The following CGNL1 variants were observed in gnomAD, a reference collection of about 807,000 sequenced individuals.
CGNL1 encodes the protein cingulin-like protein 1.
Under a neutral mutation model 141.2 loss-of-function variants are expected in CGNL1, and 132 were observed. The observed-to-expected ratio is 0.93, with a 90% CI of 0.81 to 1.08. CGNL1 has a LOEUF of 1.08. CGNL1 is among the 50% of genes least tolerant of loss of function. The pLI, the probability that CGNL1 is intolerant of heterozygous loss-of-function variation, is 0.00. For missense variants in CGNL1, 1,870 were observed against 1,588.6 expected (o/e 1.18, Z -3.01); for synonymous variants, 690 against 622.1 (o/e 1.11, Z -1.63).
intron 8 of CGNL1, among the ~76,000 whole-genome samples, chr15:57,473,896 CTTCT>C (rs751392190): frequency 2.0e-4 from 22 of 110,116 alleles, no homozygotes; most frequent in East Asian, 1.4e-3. Flanking sequence ...TCTTCTTCTT[CTTCT>C]TTTTTTTTTT....
intron 5 of CGNL1, 75 bp from the exon 6 acceptor site, chr15:57,452,066 G>T: frequency 3.7e-6 from 5 of 1,334,022 alleles, no homozygotes; most frequent in East Asian, 2.4e-5. Flanking sequence ...GAGTCTGCTT[G>T]TTGAGAAGTA....
intron 14 of CGNL1, among the ~76,000 whole-genome samples, chr15:57,535,898 ATTCT>A (rs1218400146): frequency 3.3e-5 from 5 of 152,318 alleles, no homozygotes; most frequent in Admixed American, 6.5e-5. Flanking sequence ...CCATGCCTCC[ATTCT>A]TTCTTTCTCT....
chr15:57,453,314 C>T (rs1321352475), intron 6 of CGNL1, among the ~76,000 whole-genome samples: 1 of 152,166 alleles, frequency 6.6e-6, no homozygotes, highest in African/African-American at 2.4e-5. Context: ...GTCTAGAACA[C>T]TGGGATAGTA....
At chr15:57,388,899 GGAA>G (rs1479966209) in intron 1 of CGNL1, among the ~76,000 whole-genome samples, 2 of 152,190 alleles carry the variant, frequency 1.3e-5, no homozygotes, top group Non-Finnish European at 2.9e-5. Flanking sequence ...GGAGGTGAAT[GGAA>G]GAAGGAGTCT....
In CGNL1 at chr15:57,528,797, G is replaced by T. The variant is rs200233106; in HGVS notation, c.3183G>T (p.Arg1061Ser). Residue 1061 changes from arginine to serine, a missense_variant, in exon 13 of 19, where the codon AGG becomes AGT. By Grantham distance (110) the Arg-to-Ser change is moderately radical (BLOSUM62 -1). Coordinates refer to ENST00000281282, the MANE Select transcript of CGNL1 (RefSeq NM_032866.5). ...AKSHLKDDRSRLVKQMEDKVS... is the reference protein window; with the variant it reads ...AKSHLKDDRSSLVKQMEDKVS... ...GTCACCTCAAAGATGACCGCAGCAG[G>T]CTGGTCAAGCAGATGGAGGTCTGTG... 1.2e-6 allele frequency: 2 copies of T among 1,613,912 alleles called. No individual in the cohort carries two copies. Among genetic ancestry groups the T allele is most frequent in the Non-Finnish European group, 1.7e-6 (2 of 1,179,964 alleles).
chr15:57,493,737 T>C (rs540032091), intron 8 of CGNL1, among the ~76,000 whole-genome samples: 1 of 152,352 alleles, frequency 6.6e-6, no homozygotes, highest in South Asian at 2.1e-4. Context: ...ACCTTTGAAG[T>C]ACCATTTAGT....
chr15:57,411,140 G>C (rs1328714110), intron 1 of CGNL1, among the ~76,000 whole-genome samples: 1 of 152,064 alleles, frequency 6.6e-6, no homozygotes, highest in East Asian at 1.9e-4. Flanking sequence ...TCATATGTTG[G>C]ACTCCATCCA....
At chr15:57,547,314 C>A in intron 18 of CGNL1, 41 bp from the exon 19 acceptor site, 2 of 1,606,624 alleles carry the variant, frequency 1.2e-6, no homozygotes, top group Non-Finnish European at 1.7e-6. Flanking sequence ...CTATGGGCCC[C>A]GGCCCAGGGC....
intron 14 of CGNL1, among the ~76,000 whole-genome samples, chr15:57,542,952 T>C (rs2032644992): frequency 1.3e-5 from 2 of 152,196 alleles, no homozygotes; most frequent in South Asian, 4.1e-4. Flanking sequence ...TTTGTGAGTG[T>C]CATAGGATCC....
intron 1 of CGNL1, among the ~76,000 whole-genome samples, chr15:57,424,038 CA>C (rs1259098343): frequency 6.6e-6 from 1 of 152,204 alleles, no homozygotes; most frequent in African/African-American, 2.4e-5. Flanking sequence ...CTTCTCGCCC[CA>C]CTTGGGTCAA....
At chr15:57,498,466 A>C (rs1021288324) in intron 8 of CGNL1, among the ~76,000 whole-genome samples, 3 of 151,908 alleles carry the variant, frequency 2.0e-5, no homozygotes, top group Admixed American at 1.3e-4. Flanking sequence ...TGGCCTCCCA[A>C]AGTGCTGGGA....
At chr15:57,457,334 G>C (rs538093331) in intron 7 of CGNL1, among the ~76,000 whole-genome samples, 1 of 152,294 alleles carries the variant, frequency 6.6e-6, no homozygotes, top group African/African-American at 2.4e-5. Flanking sequence ...TCGTGGGGTG[G>C]CCACTTGCTG....
intron 14 of CGNL1, among the ~76,000 whole-genome samples, chr15:57,541,231 T>A (rs1312296602): frequency 6.6e-6 from 1 of 152,208 alleles, no homozygotes; most frequent in Non-Finnish European, 1.5e-5. Context: ...TCTCTGTAAT[T>A]GTTTCCCATT....
chr15:57,521,663 G>A (rs529692807), intron 10 of CGNL1, among the ~76,000 whole-genome samples: 2 of 152,280 alleles, frequency 1.3e-5, no homozygotes, highest in Non-Finnish European at 2.9e-5. Context: ...CAGGCCCTAG[G>A]CCCAGAGTGG....
chr15:57,470,256 C>CTTTTTTTTTTTTTTTTTTTTTT (rs60982599), intron 8 of CGNL1, among the ~76,000 whole-genome samples: 1 of 113,996 alleles, frequency 8.8e-6, no homozygotes, highest in Non-Finnish European at 1.7e-5. Context: ...TTTTGTCTCT[C>CTTTTTTTTTTTTTTTTTTTTTT]TTTTTTTTTT....
intron 8 of CGNL1, among the ~76,000 whole-genome samples, chr15:57,509,906 G>A (rs73423507): frequency 0.034 from 5,176 of 152,180 alleles, 310 homozygotes; most frequent in African/African-American, 0.12. Context: ...AGATGCCATC[G>A]GTTTACCACA....
At chr15:57,425,876 G>T (rs1358409804) in intron 1 of CGNL1, among the ~76,000 whole-genome samples, 1 of 151,738 alleles carries the variant, frequency 6.6e-6, no homozygotes, top group Non-Finnish European at 1.5e-5. Flanking sequence ...TCTAATTTCT[G>T]GTTATTGAAA....
chr15:57,440,401 C>T lies in CGNL1; in HGVS notation c.1627C>T (p.Gln543Ter). Residue 543 changes from glutamine (Q) to a stop codon, truncating the protein, a stop_gained, in exon 3 of 19, where the codon CAG becomes TAG. Coordinates refer to ENST00000281282, the MANE Select transcript of CGNL1 (RefSeq NM_032866.5). LOFTEE classifies it high-confidence loss of function. The part of the protein sequence containing the change: ...TQATPDLLKG[Q>*]QELTQQTNEE... ...GGCCACACCGGATCTCTTAAAGGGC[C>T]AGCAAGAGCTCACTCAGCAAACCAA... The T allele has an allele frequency of 6.2e-7, 1 of 1,602,400 alleles. No individual in the cohort carries two copies. The highest frequency in any genetic ancestry group is 8.5e-7 in the Non-Finnish European group (1 of 1,173,870).
intron 1 of CGNL1, among the ~76,000 whole-genome samples, chr15:57,400,413 CT>C (rs1220191660): frequency 2.0e-5 from 3 of 152,148 alleles, no homozygotes; most frequent in Admixed American, 1.3e-4. Flanking sequence ...TAACTTCCAT[CT>C]GTGTCAAGTT....
Sources: gnomAD v4.1 joint callset for allele counts (sites outside exome capture counted in the v4.1 genomes callset) on GRCh38, gnomAD v4.1.1 for gene constraint, MANE v1.5 for transcripts, NCBI Gene and HGNC (gene_info 2026-07-23, HGNC 2026-07-21) for gene names.